The following CLEC12A variants were observed in gnomAD, a reference collection of about 807,000 sequenced individuals.
CLEC12A encodes C-type lectin protein CLL-1.
In CLEC12A, 22 loss-of-function variants were observed where a neutral mutation model predicts 26.5. The observed-to-expected ratio is 0.83, with a 90% CI of 0.59 to 1.19. The LOEUF (loss-of-function observed/expected upper bound fraction) is 1.19, where lower values mean the gene tolerates loss of function less well. Ranked by LOEUF, CLEC12A falls within the 50% of genes most tolerant of loss-of-function variation. The probability of loss-of-function intolerance (pLI) is 0.00; values close to 1 mark genes in which losing one functional copy is unlikely to be tolerated. For missense variants in CLEC12A, 353 were observed against 315.6 expected, an observed-to-expected ratio of 1.12 and a Z score of -0.90; for synonymous variants, 119 against 101.9, an observed-to-expected ratio of 1.17 and a Z score of -1.01.
At position 9,980,665 on chromosome 12, in the gene CLEC12A, C is replaced by A; in HGVS notation, c.463C>A (p.Gln155Lys). The A allele has an allele frequency of 6.2e-7, 1 of 1,613,874 alleles. No homozygotes were observed. The highest frequency in any genetic ancestry group is 8.5e-7 in the Non-Finnish European group (1 of 1,179,850). Reference protein sequence around the residue: ...YFLSDDVQTWQESKMACAAQN... With the variant: ...YFLSDDVQTWKESKMACAAQN... ...CCTAAGTGATGATGTCCAAACATGGCAGGAGAGTAAAATGGCCTGTGCTGC... is the reference window on the plus strand; with the variant it reads ...CCTAAGTGATGATGTCCAAACATGGAAGGAGAGTAAAATGGCCTGTGCTGC... The change falls in exon 4 of 6, where the codon CAG becomes AAG. Residue 155 changes from glutamine to lysine, a missense_variant. Coordinates refer to ENST00000304361, the MANE Select transcript of CLEC12A (RefSeq NM_138337.6).
chr12:9,957,720 G>T (rs549276700), intron 1 of CLEC12A, among the ~76,000 whole-genome samples: 1 of 152,242 alleles, frequency 6.6e-6, no homozygotes, highest in East Asian at 1.9e-4. Flanking sequence ...ATGAGCAGAG[G>T]GTTGACTTCA....
chr12:9,959,439 C>T (rs944760966), intron 1 of CLEC12A, among the ~76,000 whole-genome samples: 38 of 135,218 alleles, frequency 2.8e-4, no homozygotes, highest in African/African-American at 4.8e-4. Context: ...GAGAGAAGAG[C>T]GAAACTCTGT....
intron 5 of CLEC12A, among the ~76,000 whole-genome samples, chr12:9,982,510 C>G (rs1864601942): frequency 1.3e-5 from 2 of 151,970 alleles, no homozygotes; most frequent in African/African-American, 4.8e-5. Flanking sequence ...ATTTTATGTG[C>G]AGACTGATTG....
chr12:9,966,957 A>G (rs918705977), upstream of CLEC12A, among the ~76,000 whole-genome samples: 1 of 149,990 alleles, frequency 6.7e-6, no homozygotes, highest in East Asian at 2.0e-4. Context: ...AAAAAGGAAC[A>G]TTAACCTTGA....
chr12:9,987,807 TA>T (rs1262675669), downstream of CLEC12A, among the ~76,000 whole-genome samples: 1 of 152,090 alleles, frequency 6.6e-6, no homozygotes, highest in Admixed American at 6.5e-5. Context: ...TTCTTTCTTT[TA>T]TTTATTTATT....
downstream of CLEC12A, among the ~76,000 whole-genome samples, chr12:9,988,742 A>G (rs906585390): frequency 2.0e-5 from 3 of 152,236 alleles, no homozygotes; most frequent in Non-Finnish European, 4.4e-5. Flanking sequence ...GTGGAGAAAT[A>G]GGAACACTTT....
chr12:10,000,821 C>T, the CLEC12A span, among the ~76,000 whole-genome samples: 1 of 152,192 alleles, frequency 6.6e-6, no homozygotes, highest in Non-Finnish European at 1.5e-5. Flanking sequence ...ATCAGCAAGT[C>T]CTGAGGCTAT....
intron 1 of CLEC12A, among the ~76,000 whole-genome samples, chr12:9,974,113 G>A (rs1294448583): frequency 2.0e-5 from 3 of 152,136 alleles, no homozygotes; most frequent in East Asian, 1.9e-4. Flanking sequence ...GGTCACTGAT[G>A]TCCTGCCTGT....
Position 9,979,007 on chromosome 12 carries a change from T to C in CLEC12A, c.133T>C (p.Phe45Leu), listed in dbSNP as rs1864446816. ...PSHVWRPAAL[F>L]LTLLCLLLLI... Reference sequence around the variant, plus strand: ...TCATGTATGGCGTCCAGCAGCCTTGTTTCTGACTCTTCTGTGCCTTCTGTT... The same window carrying C: ...TCATGTATGGCGTCCAGCAGCCTTGCTTCTGACTCTTCTGTGCCTTCTGTT... The change falls in exon 2 of 6, where the codon TTT becomes CTT. Residue 45 changes from phenylalanine (F) to leucine (L), a missense_variant. By Grantham distance (22) the Phe-to-Leu change is conservative (BLOSUM62 0). Transcript: ENST00000304361. 6.2e-7 allele frequency: 1 copy of C among 1,613,892 alleles called. No individual in the cohort carries two copies. The highest frequency in any genetic ancestry group is 8.5e-7 in the Non-Finnish European group (1 of 1,179,898).
At position 9,963,084 on chromosome 12, in the gene CLEC12A, C is replaced by G. The variant is rs371018136; in HGVS notation, c.11-8493C>G. On this transcript the variant is annotated intron_variant, in intron 1 of 6. Transcript: ENST00000355690. ...GAAACATTTGTCATTTAGAATTATTCGTGATGGCCTGGATACGGTTTTGTA... is the reference window on the plus strand; with the variant it reads ...GAAACATTTGTCATTTAGAATTATTGGTGATGGCCTGGATACGGTTTTGTA... Among the ~76,000 whole-genome samples the G allele has an allele frequency of 2.7e-3, 407 of 152,078 alleles. 4 individuals are homozygous for G. Among genetic ancestry groups the G allele is most frequent in the African/African-American group, 8.6e-3 (358 of 41,462 alleles).
chr12:9,984,793 G>A, intron 5 of CLEC12A, 77 bp from the exon 6 acceptor site: 3 of 1,278,676 alleles, frequency 2.3e-6, no homozygotes, highest in South Asian at 4.4e-5. Flanking sequence ...TATCATGTTG[G>A]AAGTGTAATT....
intron 1 of CLEC12A, among the ~76,000 whole-genome samples, chr12:9,973,370 C>G (rs116918710): frequency 6.6e-6 from 1 of 152,092 alleles, no homozygotes; most frequent in Non-Finnish European, 1.5e-5. Context: ...AAGAGGATTA[C>G]TTGAGTCCAG....
At chr12:9,979,145 G>T (rs1864452903) in intron 2 of CLEC12A, 81 bp downstream of exon 2, 1 of 1,226,852 alleles carries the variant, frequency 8.2e-7, no homozygotes, top group East Asian at 2.3e-5. Context: ...TCCTTCAGTG[G>T]AAGATTTATA....
chr12:9,969,275 G>C (rs937734705), upstream of CLEC12A, among the ~76,000 whole-genome samples: 1 of 152,124 alleles, frequency 6.6e-6, no homozygotes, highest in Non-Finnish European at 1.5e-5. Context: ...GAAAAGGTAA[G>C]TGTTTGACGG....
chr12:9,980,591 G>A lies in CLEC12A; in HGVS notation c.389G>A (p.Cys130Tyr), dbSNP rs986279097. The change falls in exon 4 of 6, where the codon TGT (cysteine) becomes TAT (tyrosine). Residue 130 changes from cysteine to tyrosine, a missense_variant. Physicochemically the swap from Cys to Tyr is radical, Grantham distance 194. Transcript: ENST00000304361. ...ELYSKEQEHK[C>Y]KPCPRRWIWH... Reference sequence around the variant, plus strand: ...TATGTTCTTCTTCCAGAGCACAAATGTAAGCCTTGTCCAAGGAGATGGATT... The same window carrying A: ...TATGTTCTTCTTCCAGAGCACAAATATAAGCCTTGTCCAAGGAGATGGATT... 9.3e-6 allele frequency: 15 copies of A among 1,613,278 alleles called. No homozygotes were observed. The highest frequency in any genetic ancestry group is 6.7e-5 in the East Asian group (3 of 44,882).
At chr12:10,003,438 C>A in the CLEC12A span, among the ~76,000 whole-genome samples, 1 of 151,872 alleles carries the variant, frequency 6.6e-6, no homozygotes, top group Non-Finnish European at 1.5e-5. Context: ...CATATGTATA[C>A]AGAACATATG....
chr12:9,980,010 C>A (rs1380751762), intron 3 of CLEC12A, among the ~76,000 whole-genome samples: 1 of 152,130 alleles, frequency 6.6e-6, no homozygotes, highest in Non-Finnish European at 1.5e-5. Flanking sequence ...ATTCCTTTTG[C>A]TCCTGAGAAA....
chr12:10,000,846 C>A, the CLEC12A span, among the ~76,000 whole-genome samples: 5 of 152,180 alleles, frequency 3.3e-5, no homozygotes, highest in African/African-American at 1.2e-4. Flanking sequence ...TCACAGTAAC[C>A]CCTGTCTTTC....
intron 5 of CLEC12A, chr12:9,983,522 G>T (rs1216179389): frequency 1.2e-5 from 8 of 695,104 alleles, no homozygotes; most frequent in Non-Finnish European, 1.8e-5. Flanking sequence ...CTGAAATTTG[G>T]GAAGCAGAAA....
Sources: allele counts gnomAD v4.1 joint callset (sites outside exome capture counted in the v4.1 genomes callset), GRCh38; gene constraint gnomAD v4.1.1; transcripts MANE v1.5; gene names NCBI Gene and HGNC (gene_info 2026-07-23, HGNC 2026-07-21).